The following TANC1 variants were observed in gnomAD, a reference collection of about 807,000 sequenced individuals.
TANC1 encodes protein TANC1.
A neutral mutation model predicts 149.7 loss-of-function variants in TANC1; 77 were observed. The observed-to-expected ratio is 0.51, with a 90% CI of 0.43 to 0.62. The LOEUF (loss-of-function observed/expected upper bound fraction) is 0.62, where lower values mean the gene tolerates loss of function less well. Among genes scored for constraint, TANC1 ranks in the 20% least tolerant of loss-of-function variants. The pLI is 0.00. For missense variants in TANC1, 1,985 were observed against 2,321.8 expected (o/e 0.85, Z 2.98); for synonymous variants, 854 against 925.0 (o/e 0.92, Z 1.39).
chr2:159,218,349 C>T (rs1018577680), intron 20 of TANC1, among the ~76,000 whole-genome samples: 1 of 152,238 alleles, frequency 6.6e-6, no homozygotes, highest in Admixed American at 6.5e-5. Context: ...CAGGATTCTT[C>T]TCCCCTTTCC....
intron 3 of TANC1, among the ~76,000 whole-genome samples, chr2:159,094,015 T>C (rs1028578044): frequency 6.6e-6 from 1 of 152,256 alleles, no homozygotes; most frequent in Non-Finnish European, 1.5e-5. Context: ...TTTAAGAAAA[T>C]AAACCTTTTC....
intron 3 of TANC1, among the ~76,000 whole-genome samples, chr2:159,093,502 AC>A (rs2045762389): frequency 6.6e-6 from 1 of 151,922 alleles, no homozygotes; most frequent in Non-Finnish European, 1.5e-5. Context: ...TCTTTGTTTG[AC>A]CGTATTCCCC....
chr2:159,013,058 C>T (rs375050691), intron 2 of TANC1, among the ~76,000 whole-genome samples: 1 of 152,168 alleles, frequency 6.6e-6, no homozygotes, highest in East Asian at 1.9e-4. Flanking sequence ...AAATGACTCT[C>T]TTCCAAGAAA....
At chr2:159,140,233 A>C (rs2150234336) in intron 5 of TANC1, among the ~76,000 whole-genome samples, 1 of 152,098 alleles carries the variant, frequency 6.6e-6, no homozygotes, top group African/African-American at 2.4e-5. Context: ...AAAAAAAAAA[A>C]GTGAAAAAAA....
intron 14 of TANC1, among the ~76,000 whole-genome samples, chr2:159,183,114 G>C (rs763892631): frequency 2.0e-5 from 3 of 152,198 alleles, no homozygotes; most frequent in Admixed American, 2.0e-4. Context: ...TGGGGACTTG[G>C]GGGGACTGGG....
chr2:159,055,719 C>G (rs1368944344), intron 2 of TANC1, among the ~76,000 whole-genome samples: 1 of 152,126 alleles, frequency 6.6e-6, no homozygotes, highest in Non-Finnish European at 1.5e-5. Context: ...CCCTTCCTGA[C>G]CAGCCTTGAT....
Position 159,229,589 on chromosome 2 carries a change from C to T in TANC1, c.4163C>T (p.Ala1388Val). The change falls in exon 27 of 27, where the codon GCA (alanine) becomes GTA (valine). Residue 1388 changes from alanine (A) to valine (V), a missense_variant. This residue lies in a region of TANC1 where 920 missense variants were observed against 994.7 expected (regional missense o/e 0.92). Transcript: ENST00000263635. ...ATTTTCCTACAAAGGCAATTCGTGGCAGCTCTGGCTGACCTGCAAGAGGCT... is the reference window on the plus strand; with the variant it reads ...ATTTTCCTACAAAGGCAATTCGTGGTAGCTCTGGCTGACCTGCAAGAGGCT... ...RAKRNSRQFV[A>V]ALADLQEAVK... The T allele has an allele frequency of 6.2e-7, 1 of 1,611,900 alleles. No homozygotes were observed. Among genetic ancestry groups the T allele is most frequent in the Non-Finnish European group, 8.5e-7 (1 of 1,179,154 alleles).
At chr2:159,038,971 G>A (rs931674107) in intron 2 of TANC1, among the ~76,000 whole-genome samples, 4 of 152,070 alleles carry the variant, frequency 2.6e-5, no homozygotes, top group Non-Finnish European at 4.4e-5. Context: ...CTGTGAATCC[G>A]TCTGGTCCTG....
intron 14 of TANC1, among the ~76,000 whole-genome samples, chr2:159,182,644 GT>G (rs1331513090): frequency 2.6e-5 from 4 of 152,002 alleles, no homozygotes; most frequent in African/African-American, 9.7e-5. Context: ...GTTTTTTCAT[GT>G]GTTCCTCTCA....
At chr2:159,184,202 A>G (rs554708619) in intron 14 of TANC1, among the ~76,000 whole-genome samples, 23 of 152,364 alleles carry the variant, frequency 1.5e-4, no homozygotes, top group African/African-American at 3.6e-4. Flanking sequence ...AGATAATTCA[A>G]TTAGGTTTCT....
chr2:158,998,600 C>T (rs930924849), intron 1 of TANC1, among the ~76,000 whole-genome samples: 1 of 152,152 alleles, frequency 6.6e-6, no homozygotes, highest in African/African-American at 2.4e-5. Flanking sequence ...CCGAGGTGAG[C>T]ACAGATGTGT....
chr2:159,132,479 G>GTTTTGTTTTGTTTTTC, intron 4 of TANC1, among the ~76,000 whole-genome samples: 1 of 151,452 alleles, frequency 6.6e-6, no homozygotes, highest in Non-Finnish European at 1.5e-5. Flanking sequence ...GTTTTGTTTT[G>GTTTTGTTTTGTTTTTC]TTTTGTTTTG....
chr2:159,055,465 A>G (rs2041782280), intron 2 of TANC1, among the ~76,000 whole-genome samples: 1 of 152,138 alleles, frequency 6.6e-6, no homozygotes, highest in South Asian at 2.1e-4. Flanking sequence ...AGGACTTTGG[A>G]GGCAGCTATT....
rs1196838643 is a variant in TANC1, at chr2:159,159,713, TGTGTGAGA to T, written c.683-3568_683-3561del. Among the ~76,000 whole-genome samples the T allele has an allele frequency of 6.1e-4, 40 of 65,642 alleles. No homozygotes were observed. In the South Asian group the frequency reaches 0.012, roughly 19 times the overall value. 43.1% of individuals were successfully genotyped at this position (65,642 alleles called of 152,430 possible). A position where few individuals can be genotyped will look rare whatever the true frequency, so the allele number is the denominator to read the frequency against. ...ATACGTGTGTGTGTGTGTGTGTGTGTGTGTGAGAGAGAGAGAGAGAGAGAGAGAGAGAG... is the reference window on the plus strand; with the variant it reads ...ATACGTGTGTGTGTGTGTGTGTGTGTGAGAGAGAGAGAGAGAGAGAGAGAG... On this transcript the variant is annotated intron_variant, in intron 7 of 26. Transcript: ENST00000263635.
At chr2:159,160,165 C>T (rs2053900014) in intron 7 of TANC1, among the ~76,000 whole-genome samples, 1 of 152,144 alleles carries the variant, frequency 6.6e-6, no homozygotes, top group African/African-American at 2.4e-5. Flanking sequence ...TCAGAATGCC[C>T]TGTGTCTCGA....
chr2:158,984,625 A>C (rs953347649), intron 1 of TANC1, among the ~76,000 whole-genome samples: 5 of 152,160 alleles, frequency 3.3e-5, no homozygotes, highest in Admixed American at 6.5e-5. Flanking sequence ...CTGAGGAGAC[A>C]AGTGCACACA....
chr2:159,129,211 A>T (rs1417301465), intron 4 of TANC1, among the ~76,000 whole-genome samples: 1 of 152,218 alleles, frequency 6.6e-6, no homozygotes, highest in East Asian at 1.9e-4. Flanking sequence ...AATTATCTTT[A>T]ACCGAAACAC....
intron 3 of TANC1, among the ~76,000 whole-genome samples, chr2:159,077,182 C>G (rs1386161394): frequency 1.3e-5 from 2 of 151,178 alleles, no homozygotes; most frequent in Admixed American, 6.6e-5. Flanking sequence ...CTCAGGCTCC[C>G]TAGTTGCTGC....
At chr2:159,210,573 T>G (rs1288864726) in intron 19 of TANC1, among the ~76,000 whole-genome samples, 4 of 152,244 alleles carry the variant, frequency 2.6e-5, no homozygotes, top group Non-Finnish European at 2.9e-5. Context: ...TTGTTTGTTT[T>G]TTGTTTTTTT....
Sources: allele counts gnomAD v4.1 joint callset (sites outside exome capture counted in the v4.1 genomes callset), GRCh38; gene constraint gnomAD v4.1.1; regional missense constraint gnomAD v4.1.1; transcripts MANE v1.5; gene names NCBI Gene and HGNC (gene_info 2026-07-23, HGNC 2026-07-21).